FNBP1: variants seen among roughly 807,000 people sequenced by gnomAD.
FNBP1 encodes the protein formin binding protein 1, also known as formin-binding protein 1.
In FNBP1, 26 loss-of-function variants were observed where a neutral mutation model predicts 90.6. The ratio of observed to expected loss-of-function variants is 0.29; its 90% CI spans 0.21 to 0.40. The LOEUF is 0.40. FNBP1 is among the 10% of genes least tolerant of loss of function. FNBP1 has a pLI of 1.00. For synonymous variants in FNBP1, 260 were observed against 265.2 expected, an observed-to-expected ratio of 0.98 and a Z score of 0.19; for missense variants, 635 against 768.0, an observed-to-expected ratio of 0.83 and a Z score of 2.05.
At position 130,042,964 on chromosome 9, in the gene FNBP1, G is replaced by C. The variant is rs1047311119; in HGVS notation, c.12C>G (p.Gly4=). 1.2e-5 allele frequency: 15 copies of C among 1,226,700 alleles called. No homozygotes were observed. Among genetic ancestry groups the C allele is most frequent in the Non-Finnish European group, 1.5e-5 (15 of 984,262 alleles). 76.0% of individuals were successfully genotyped at this position (1,226,700 alleles called of 1,614,324 possible). A position where few individuals can be genotyped will look rare whatever the true frequency, so the allele number is the denominator to read the frequency against. Residue 4 remains glycine (G), a synonymous_variant, in exon 1 of 17, where the codon GGC becomes GGG. Coordinates refer to ENST00000446176, the MANE Select transcript of FNBP1 (RefSeq NM_015033.3). The surrounding 1 kb of genome is among the most constrained non-coding windows in gnomAD (Gnocchi z 5.5). MSW[G]TELWDQFDNL... ...GCCCCTCACTCACCCAGAGCTCGGT[G>C]CCCCAGCTCATGGTGCAGGGGACGC... is the stretch of plus-strand genomic sequence containing the variant.
At chr9:129,931,070 C>A (rs72757252) in intron 6 of FNBP1, among the ~76,000 whole-genome samples, 1 of 151,920 alleles carries the variant, frequency 6.6e-6, no homozygotes, top group Admixed American at 6.6e-5. Flanking sequence ...ATGGAAGGCT[C>A]GGGTGGGCAG....
intron 1 of FNBP1, among the ~76,000 whole-genome samples, chr9:130,011,849 A>T (rs1467769298): frequency 6.6e-6 from 1 of 152,234 alleles, no homozygotes; most frequent in Non-Finnish European, 1.5e-5. Flanking sequence ...CCCCTAGATT[A>T]TCTACAGATT....
chr9:129,960,904 C>T (rs1410340510), intron 4 of FNBP1, among the ~76,000 whole-genome samples: 1 of 151,916 alleles, frequency 6.6e-6, no homozygotes, highest in Non-Finnish European at 1.5e-5. Flanking sequence ...AGGGTGACTC[C>T]GAGGTTGTCA....
At chr9:129,965,174 C>A (rs1044613196) in intron 4 of FNBP1, among the ~76,000 whole-genome samples, 5 of 152,188 alleles carry the variant, frequency 3.3e-5, no homozygotes, top group Non-Finnish European at 5.9e-5. Context: ...TGGCAAAACG[C>A]CTTAGTCCTG....
chr9:129,908,900 T>C lies in FNBP1; in HGVS notation c.1285A>G (p.Met429Val), dbSNP rs1487348079. ...ATTGATGCACTATACCTTTGATCCA[T>C]CTCCTTCTGAATTTCTTTATTTAAC... ...DELNKEIQKE[M>V]DQRDAITKMK... Residue 429 changes from methionine to valine, a missense_variant, in exon 12 of 17, where the codon ATG becomes GTG. By Grantham distance (21) the Met-to-Val change is conservative (BLOSUM62 1). Transcript: ENST00000446176. The C allele has an allele frequency of 1.2e-6, 2 of 1,607,092 alleles. No individual in the cohort carries two copies. The highest frequency in any genetic ancestry group is 1.7e-5 in the Admixed American group (1 of 59,768).
chr9:129,890,273 CT>C lies in FNBP1; in HGVS notation c.*265del. ...GCGTGTGTCCCACCGTCTCAGTGGCCTGCGCGGGGTGGGGAGGGGGAGCGAT... is the reference window on the plus strand; with the variant it reads ...GCGTGTGTCCCACCGTCTCAGTGGCCGCGCGGGGTGGGGAGGGGGAGCGAT... On this transcript the variant is annotated 3_prime_UTR_variant, in exon 17 of 17. Transcript: ENST00000446176. This position sits in a 1 kb window ranked among gnomAD's most constrained non-coding sequence, Gnocchi z 5.8. The C allele has an allele frequency of 1.9e-6, 1 of 527,418 alleles. No individual in the cohort carries two copies. The highest frequency in any genetic ancestry group is 3.4e-6 in the Non-Finnish European group (1 of 297,452). The allele number at this position is 527,418 out of a possible 1,614,324, so 32.7% of individuals were successfully genotyped here. A position where few individuals can be genotyped will look rare whatever the true frequency, so the allele number is the denominator to read the frequency against.
intron 8 of FNBP1, among the ~76,000 whole-genome samples, chr9:129,926,430 C>T (rs115093337): frequency 2.5e-3 from 376 of 152,310 alleles, no homozygotes; most frequent in African/African-American, 8.8e-3. Context: ...AGCTTTTGCC[C>T]TCCCAGAGGA....
At chr9:129,922,155 T>A (rs2041211933) in intron 10 of FNBP1, among the ~76,000 whole-genome samples, 1 of 152,210 alleles carries the variant, frequency 6.6e-6, no homozygotes, top group South Asian at 2.1e-4. Context: ...ATCTGTTTAC[T>A]CATTATATTC....
At chr9:130,045,131 C>T (rs1193339217), upstream of FNBP1, 1 of 152,146 alleles carries the variant, frequency 6.6e-6, no homozygotes, top group East Asian at 1.9e-4. Context: ...TGCCCACCCC[C>T]ATTCTTGTGT....
At position 129,957,952 on chromosome 9, in the gene FNBP1, T is replaced by C. The variant is rs1292169947; in HGVS notation, c.409-488A>G. ...TCCATCAAAACTGTCTAATCTTTAT[T>C]ATTTCCACGTGACTTTTAGAAAAAT... On this transcript the variant is annotated intron_variant, in intron 5 of 16. Transcript: ENST00000446176. This position sits in a 1 kb window ranked among gnomAD's most constrained non-coding sequence, Gnocchi z 4.3. Among the ~76,000 whole-genome samples the C allele has an allele frequency of 2.6e-5, 4 of 152,358 alleles. No individual in the cohort carries two copies. The highest frequency in any genetic ancestry group is 7.2e-5 in the African/African-American group (3 of 41,580).
chr9:129,991,416 G>A (rs2131225982), intron 2 of FNBP1, among the ~76,000 whole-genome samples: 1 of 151,798 alleles, frequency 6.6e-6, no homozygotes, highest in South Asian at 2.1e-4. Flanking sequence ...GACTACAGGT[G>A]TGCGCCACCA....
Position 129,957,421 on chromosome 9 carries a change from G to A in FNBP1, c.452C>T (p.Ala151Val), listed in dbSNP as rs747467671. ...GTCCATTTTCTCAAAGTACTGCTGCGCCCTGTCCGCCTCTTTGCAATCGCG... is the reference window on the plus strand; with the variant it reads ...GTCCATTTTCTCAAAGTACTGCTGCACCCTGTCCGCCTCTTTGCAATCGCG... ...FERDCKEADR[A>V]QQYFEKMDAD... is the part of the protein sequence containing the mutation. The change falls in exon 6 of 17, where the codon GCG becomes GTG. Residue 151 changes from alanine to valine, a missense_variant. By Grantham distance (64) the Ala-to-Val change is moderately conservative. Transcript: ENST00000446176. This position sits in a 1 kb window ranked among gnomAD's most constrained non-coding sequence, Gnocchi z 4.3. 2.5e-6 allele frequency: 4 copies of A among 1,613,714 alleles called. No homozygotes were observed. The highest frequency in any genetic ancestry group is 2.2e-5 in the East Asian group (1 of 44,878).
intron 1 of FNBP1, among the ~76,000 whole-genome samples, chr9:130,001,184 T>C (rs1402785401): frequency 6.6e-6 from 1 of 151,380 alleles, no homozygotes. Context: ...TACAAAAAAT[T>C]AGCCGGGTGT....
intron 4 of FNBP1, among the ~76,000 whole-genome samples, chr9:129,973,984 A>T (rs954379123): frequency 1.3e-5 from 2 of 151,588 alleles, no homozygotes; most frequent in East Asian, 2.0e-4. Context: ...CTAATTTTTT[A>T]AAATGTATTT....
intron 16 of FNBP1, chr9:129,895,401 C>T (rs749587008): frequency 6.8e-5 from 74 of 1,088,798 alleles, no homozygotes; most frequent in Non-Finnish European, 8.1e-5. Context: ...AATCTGTAAC[C>T]ACCTAATGTA....
intron 16 of FNBP1, among the ~76,000 whole-genome samples, chr9:129,892,416 C>CACACACACACACAA (rs386416323): frequency 7.4e-5 from 10 of 134,634 alleles, no homozygotes; most frequent in African/African-American, 2.5e-4. Context: ...CACACACACA[C>CACACACACACACAA]AAAAAGGTTG....
chr9:130,052,380 A>C, the FNBP1 span, among the ~76,000 whole-genome samples: 4 of 152,106 alleles, frequency 2.6e-5, no homozygotes, highest in South Asian at 8.3e-4. Flanking sequence ...CCTATTTAAA[A>C]CTATTTTAAT....
chr9:129,952,597 G>C (rs554464876), intron 6 of FNBP1, among the ~76,000 whole-genome samples: 6 of 152,184 alleles, frequency 3.9e-5, no homozygotes, highest in Non-Finnish European at 8.8e-5. Flanking sequence ...CAAAGTATGG[G>C]AAAGATCTGC....
At chr9:130,016,210 C>G (rs2057219316) in intron 1 of FNBP1, among the ~76,000 whole-genome samples, 1 of 152,146 alleles carries the variant, frequency 6.6e-6, no homozygotes, top group Non-Finnish European at 1.5e-5. Flanking sequence ...ACCTAATCCC[C>G]AGTGCAGTGG....
Sources: gnomAD v4.1 joint callset for allele counts (sites outside exome capture counted in the v4.1 genomes callset) on GRCh38, gnomAD v4.1.1 for gene constraint, Gnocchi (gnomAD v3.1) non-coding constraint, MANE v1.5 for transcripts, NCBI Gene and HGNC (gene_info 2026-07-23, HGNC 2026-07-21) for gene names.